NABP2: variants seen among roughly 807,000 people sequenced by gnomAD.
NABP2 encodes SOSS complex subunit B1.
NABP2 carries 7 observed loss-of-function variants against 22.7 expected under a neutral mutation model. The ratio of observed to expected loss-of-function variants is 0.31; its 90% CI spans 0.18 to 0.58. The LOEUF is 0.58. Among genes scored for constraint, NABP2 ranks in the 20% least tolerant of loss-of-function variants. The probability of loss-of-function intolerance (pLI) is 0.89; values close to 1 mark genes in which losing one functional copy is unlikely to be tolerated. For synonymous variants in NABP2, 107 were observed against 99.2 expected (o/e 1.08, Z -0.47); for missense variants, 188 against 265.9 (o/e 0.71, Z 2.04).
At chr12:56,228,362 T>C (rs1869887938) in intron 6 of NABP2, among the ~76,000 whole-genome samples, 1 of 151,842 alleles carries the variant, frequency 6.6e-6, no homozygotes, top group Admixed American at 6.6e-5. Flanking sequence ...TCTCCAGTTT[T>C]ATAATCACTT....
At chr12:56,228,957 G>A in intron 6 of NABP2, 57 bp from the exon 7 acceptor site, 4 of 1,504,468 alleles carry the variant, frequency 2.7e-6, no homozygotes, top group Non-Finnish European at 3.6e-6. Context: ...CAGGCCTTGG[G>A]ATGGACCCCT....
At position 56,229,087 on chromosome 12, in the gene NABP2, T is replaced by TTGGCCCCCC; in HGVS notation, c.510_511insTGGCCCCCC (p.Thr170_Pro171insTrpProPro). 15 of 1,512,292 alleles carry TTGGCCCCCC rather than the reference T, an allele frequency of 9.9e-6. No homozygotes were observed. The highest frequency in any genetic ancestry group is 1.3e-5 in the Non-Finnish European group (14 of 1,101,970). The allele number at this position is 1,512,292 out of a possible 1,614,324, so 93.7% of individuals were successfully genotyped here. A position where few individuals can be genotyped will look rare whatever the true frequency, so the allele number is the denominator to read the frequency against. On this transcript the variant is annotated inframe_insertion, in exon 7 of 7. Coordinates refer to ENST00000267023, the MANE Select transcript of NABP2 (RefSeq NM_024068.4). ...GTGGTGGCCCACATCCCCCTCATAC[T>TTGGCCCCCC]CCCTCCCACCCACCCAGCACCCGAA...
rs1869759312 is a variant in NABP2 at position 56,226,303 on chromosome 12, A to G, written c.372+43A>G. On this transcript the variant is annotated intron_variant, in intron 5 of 6. Coordinates refer to ENST00000267023, the MANE Select transcript of NABP2 (RefSeq NM_024068.4). ...AATGGTGGGAAAGGAGGGCAGATCA[A>G]GACAAGAAGCATGGGAGGGAGCAGG... 2 of 1,613,888 alleles carry G rather than the reference A, an allele frequency of 1.2e-6. 1 individual carries two copies. Among genetic ancestry groups the G allele is most frequent in the South Asian group, 2.2e-5 (2 of 91,088 alleles).
chr12:56,229,502 A>G lies in NABP2; in HGVS notation c.*289A>G. On this transcript the variant is annotated 3_prime_UTR_variant, in exon 7 of 7. Coordinates refer to ENST00000267023, the MANE Select transcript of NABP2 (RefSeq NM_024068.4). The stretch of plus-strand genomic sequence containing the variant: ...GTAATCCCAGCACTTTGGGAAGCCG[A>G]GGTGGGCGGATCACCTGAGGTCGGG... 2.6e-6 allele frequency: 1 copy of G among 385,496 alleles called. No homozygotes were observed. Among genetic ancestry groups the G allele is most frequent in the Non-Finnish European group, 4.9e-6 (1 of 205,778 alleles). 23.9% of individuals were successfully genotyped at this position (385,496 alleles called of 1,614,324 possible).
In NABP2 at chr12:56,229,105, C is replaced by T; in HGVS notation, c.528C>T (p.Ser176=). Reference sequence around the variant, plus strand: ...CTCATACTCCCTCCCACCCACCCAGCACCCGAATCACTCGAAGCCAGCCCA... The same window carrying T: ...CTCATACTCCCTCCCACCCACCCAGTACCCGAATCACTCGAAGCCAGCCCA... ...HPPHTPSHPP[S]TRITRSQPNH... Residue 176 remains serine, a synonymous_variant, in exon 7 of 7, where the codon AGC becomes AGT. Coordinates refer to ENST00000267023, the MANE Select transcript of NABP2 (RefSeq NM_024068.4). 6.4e-7 allele frequency: 1 copy of T among 1,566,590 alleles called. No homozygotes were observed. Among genetic ancestry groups the T allele is most frequent in the Non-Finnish European group, 8.6e-7 (1 of 1,159,898 alleles).
chr12:56,229,520 A>T lies in NABP2; in HGVS notation c.*307A>T. 2.9e-6 allele frequency: 1 copy of T among 347,612 alleles called. No individual in the cohort carries two copies. The highest frequency in any genetic ancestry group is 5.5e-6 in the Non-Finnish European group (1 of 183,346). The allele number at this position is 347,612 out of a possible 1,614,324, so 21.5% of individuals were successfully genotyped here. A position where few individuals can be genotyped will look rare whatever the true frequency, so the allele number is the denominator to read the frequency against. On this transcript the variant is annotated 3_prime_UTR_variant, in exon 7 of 7. Transcript: ENST00000267023. The stretch of plus-strand genomic sequence containing the variant: ...GAAGCCGAGGTGGGCGGATCACCTG[A>T]GGTCGGGAGTTCAAGACCAGCCTGA...
chr12:56,228,943 G>C, intron 6 of NABP2, 71 bp from the exon 7 acceptor site: 5 of 1,413,668 alleles, frequency 3.5e-6, no homozygotes, highest in Non-Finnish European at 4.9e-6. Flanking sequence ...TTGGGGCATG[G>C]AGACAGGCCT....
At chr12:56,222,493 ACACTT>A (rs1869540031), upstream of NABP2, among the ~76,000 whole-genome samples, 1 of 152,194 alleles carries the variant, frequency 6.6e-6, no homozygotes, top group Admixed American at 6.5e-5. Context: ...GGCTCCCCGA[ACACTT>A]GTGGAGTTCC....
rs768828877 is a variant in NABP2, at chr12:56,224,373, CG to C, written c.-90del. ...CCGCGTTCCACGGGGCAGCATCCGG[CG>C]GCAGCGGAGCCTGTGGCTCCCCCTG... On this transcript the variant is annotated 5_prime_UTR_variant, in exon 1 of 7. Transcript: ENST00000267023. 3 of 990,348 alleles carry C rather than the reference CG, an allele frequency of 3.0e-6. No homozygotes were observed. The East Asian group carries it at 3.3e-4, about 110-fold the overall frequency. The allele number at this position is 990,348 out of a possible 1,614,324, so 61.3% of individuals were successfully genotyped here. A position where few individuals can be genotyped will look rare whatever the true frequency, so the allele number is the denominator to read the frequency against.
chr12:56,225,426 G>A lies in NABP2; in HGVS notation c.133G>A (p.Asp45Asn). The stretch of plus-strand genomic sequence containing the variant: ...TGAGGTTCGGACCTGCAAAGTGGCG[G>A]ACAAAACAGGCAGCATCAATATCTC... ...GHEVRTCKVADKTGSINISVW... is the reference protein window; with the variant it reads ...GHEVRTCKVANKTGSINISVW... Residue 45 changes from aspartate (D) to asparagine (N), a missense_variant, in exon 3 of 7, where the codon GAC (aspartate) becomes AAC (asparagine). Asp to Asn is a conservative substitution (Grantham distance 23). Coordinates refer to ENST00000267023, the MANE Select transcript of NABP2 (RefSeq NM_024068.4). The A allele has an allele frequency of 6.2e-7, 1 of 1,614,204 alleles. No homozygotes were observed. Among genetic ancestry groups the A allele is most frequent in the Non-Finnish European group, 8.5e-7 (1 of 1,180,042 alleles).
At chr12:56,228,926 C>T in intron 6 of NABP2, 88 bp from the exon 7 acceptor site, 2 of 1,228,676 alleles carry the variant, frequency 1.6e-6, no homozygotes, top group South Asian at 1.3e-5. Context: ...GAAGACTGTG[C>T]CACTCTTTGG....
intron 6 of NABP2, among the ~76,000 whole-genome samples, chr12:56,227,890 ACGTGTAAT>A (rs1327401602): frequency 6.6e-6 from 1 of 152,202 alleles, no homozygotes; most frequent in Non-Finnish European, 1.5e-5. Flanking sequence ...GGGTAAGATT[ACGTGTAAT>A]AATCTTTTCA....
At chr12:56,222,518 C>T (rs756640816), upstream of NABP2, among the ~76,000 whole-genome samples, 19 of 152,124 alleles carry the variant, frequency 1.2e-4, no homozygotes, top group South Asian at 4.1e-4. Flanking sequence ...CCTGAAACAC[C>T]TAAGAGGAAG....
chr12:56,226,126 A>C (rs1381995549), intron 4 of NABP2, 53 bp from the exon 5 acceptor site: 1 of 1,548,308 alleles, frequency 6.5e-7, no homozygotes, highest in African/African-American at 1.4e-5. Context: ...TGAGGCCTCC[A>C]GCAGTGGCCC....
At position 56,226,250 on chromosome 12, in the gene NABP2, C is replaced by G; in HGVS notation, c.362C>G (p.Pro121Arg). 2 of 1,614,090 alleles carry G rather than the reference C, an allele frequency of 1.2e-6. No individual in the cohort carries two copies. The highest frequency in any genetic ancestry group is 1.7e-6 in the Non-Finnish European group (2 of 1,180,012). ...PNPEYSTQQA[P>R]NKAVQNDSNP... ...CCAGAGTACAGCACCCAGCAGGCAC[C>G]CAACAAGGCGGTGAGTCCTGTGGCC... Residue 121 changes from proline to arginine, a missense_variant, in exon 5 of 7, where the codon CCC becomes CGC. Transcript: ENST00000267023.
At chr12:56,225,845 G>A (rs1869736821) in intron 4 of NABP2, 150 bp downstream of exon 4, 1 of 938,154 alleles carries the variant, frequency 1.1e-6, no homozygotes, top group Non-Finnish European at 1.6e-6. Context: ...TGTCGCTCAG[G>A]CTGGAGTACA....
upstream of NABP2, among the ~76,000 whole-genome samples, chr12:56,223,065 C>G (rs1483209908): frequency 6.6e-6 from 1 of 152,168 alleles, no homozygotes; most frequent in African/African-American, 2.4e-5. Context: ...GAAACCCCGT[C>G]TCTACTAAAA....
upstream of NABP2, chr12:56,224,189 A>T: frequency 3.0e-6 from 1 of 337,188 alleles, no homozygotes; most frequent in South Asian, 1.2e-4. Context: ...ACTATCTCCA[A>T]GGTTCCTTTA....
chr12:56,224,699 T>G (rs1382680216), intron 1 of NABP2, 135 bp from the exon 2 acceptor site: 1 of 904,546 alleles, frequency 1.1e-6, no homozygotes, highest in African/African-American at 1.7e-5. Context: ...GGGATGTTCT[T>G]TTTTAATCTT....
Sources: allele counts gnomAD v4.1 joint callset (sites outside exome capture counted in the v4.1 genomes callset), GRCh38; gene constraint gnomAD v4.1.1; transcripts MANE v1.5; gene names NCBI Gene and HGNC (gene_info 2026-07-23, HGNC 2026-07-21).